Variants in LSMEM2 observed in about 807,000 individuals in gnomAD.
LSMEM2 encodes the protein leucine rich single-pass membrane protein 2.
Under a neutral mutation model 17.3 loss-of-function variants are expected in LSMEM2, and 20 were observed. That is an observed-to-expected ratio of 1.16 (90% confidence interval 0.81 to 1.68). The LOEUF (loss-of-function observed/expected upper bound fraction) is 1.68. Among genes scored for constraint, LSMEM2 ranks in the 40% most tolerant of loss-of-function variants. The pLI, the probability that LSMEM2 is intolerant of heterozygous loss-of-function variation, is 0.00. For missense variants in LSMEM2, 207 were observed against 214.3 expected (o/e 0.97, Z 0.21); for synonymous variants, 94 against 97.8 (o/e 0.96, Z 0.23).
At chr3:50,279,030 T>G, upstream of LSMEM2, 3 of 1,452,762 alleles carry the variant, frequency 2.1e-6, no homozygotes, top group Non-Finnish European at 2.9e-6. Context: ...CTCAGGCCTA[T>G]TTTAGGCCAA....
rs1447787514 is a variant in LSMEM2 at position 50,286,346 on chromosome 3, A to G, written c.59-125A>G. The G allele has an allele frequency of 4.4e-6, 6 of 1,372,740 alleles. No homozygotes were observed. In the African/African-American group the frequency reaches 4.4e-5, roughly 10 times the overall value. 85.0% of individuals were successfully genotyped at this position (1,372,740 alleles called of 1,614,324 possible). ...CAAGGGTAATTCCTGAGTCAGTTTT[A>G]GGGGATTTGGAACCAAATGTCCCAC... On this transcript the variant is annotated intron_variant, in intron 1 of 3. Transcript: ENST00000316436.
At chr3:50,285,839 T>G (rs1701506479) in intron 1 of LSMEM2, among the ~76,000 whole-genome samples, 1 of 150,786 alleles carries the variant, frequency 6.6e-6, no homozygotes, top group Non-Finnish European at 1.5e-5. Context: ...CGAAACTCCG[T>G]CTCAAAAAAA....
Position 50,286,539 on chromosome 3 carries a change from G to T in LSMEM2, c.127G>T (p.Val43Leu), listed in dbSNP as rs1190177235. The T allele has an allele frequency of 6.8e-6, 11 of 1,612,352 alleles. No homozygotes were observed. The highest frequency in any genetic ancestry group is 3.3e-5 in the Admixed American group (2 of 59,742). The change falls in exon 2 of 4, where the codon GTA (valine) becomes TTA (leucine). Residue 43 changes from valine (V) to leucine (L), a missense_variant. Physicochemically the swap from Val to Leu is conservative, Grantham distance 32. Transcript: ENST00000316436. ...GPLAPNHVHE[V>L]CLHQVESISD... is the part of the protein sequence containing the mutation. ...ATTGGCCCCCAACCACGTGCATGAG[G>T]TATGCCTGCACCAGGTGGAGTCCAT...
chr3:50,285,830 G>A (rs998983492), intron 1 of LSMEM2, among the ~76,000 whole-genome samples: 4 of 151,932 alleles, frequency 2.6e-5, no homozygotes, highest in African/African-American at 4.8e-5. Flanking sequence ...CAACAAGAGC[G>A]AAACTCCGTC....
chr3:50,286,603 GTGGA>G lies in LSMEM2; in HGVS notation c.172+22_172+25del, dbSNP rs1701542737. 1.9e-6 allele frequency: 3 copies of G among 1,611,470 alleles called. No individual in the cohort carries two copies. Among genetic ancestry groups the G allele is most frequent in the South Asian group, 2.2e-5 (2 of 90,720 alleles). ...AGTGGAGGTGAGTGGGGACAGTGGG[GTGGA>G]TGATGTGCTGGGGGAGGGGACGAAA... On this transcript the variant is annotated intron_variant, in intron 2 of 3. Transcript: ENST00000316436.
intron 1 of LSMEM2, among the ~76,000 whole-genome samples, chr3:50,283,203 A>C (rs1333378283): frequency 6.6e-6 from 1 of 151,286 alleles, no homozygotes; most frequent in Non-Finnish European, 1.5e-5. Flanking sequence ...CAAACAAACG[A>C]AACACCGGCT....
chr3:50,282,163 T>C (rs1278446130), intron 1 of LSMEM2, among the ~76,000 whole-genome samples: 1 of 152,050 alleles, frequency 6.6e-6, no homozygotes, highest in Non-Finnish European at 1.5e-5. Flanking sequence ...TAATCTTTGA[T>C]TTTTTTGTAG....
chr3:50,287,041 CTG>C, intron 3 of LSMEM2, 26 bp from the exon 4 acceptor site: 1 of 1,612,852 alleles, frequency 6.2e-7, no homozygotes, highest in African/African-American at 1.3e-5. Context: ...GGCACATGGT[CTG>C]ATGATCCCCC....
rs1553708857 is a variant in LSMEM2 at position 50,288,039 on chromosome 3, CG to C, written c.*840del. 1 of 693,172 alleles carries C rather than the reference CG, an allele frequency of 1.4e-6. No individual in the cohort carries two copies. Among genetic ancestry groups the C allele is most frequent in the East Asian group, 2.7e-5 (1 of 36,448 alleles). The allele number at this position is 693,172 out of a possible 1,614,324, so 42.9% of individuals were successfully genotyped here. A position where few individuals can be genotyped will look rare whatever the true frequency, so the allele number is the denominator to read the frequency against. On this transcript the variant is annotated 3_prime_UTR_variant, in exon 4 of 4. Coordinates refer to ENST00000316436, the MANE Select transcript of LSMEM2 (RefSeq NM_153215.3). Reference sequence around the variant, plus strand: ...CAAAGGGGTCAGGGTCCCAAGTGTCCGGGCCCCCAGCTACCCACCCCATGTC... The same window carrying C: ...CAAAGGGGTCAGGGTCCCAAGTGTCCGGCCCCCAGCTACCCACCCCATGTC...
chr3:50,286,440 C>T, intron 1 of LSMEM2, 31 bp from the exon 2 acceptor site: 1 of 1,562,860 alleles, frequency 6.4e-7, no homozygotes, highest in Non-Finnish European at 8.7e-7. Context: ...TGACCCACCA[C>T]TGGCTAAATC....
intron 1 of LSMEM2, among the ~76,000 whole-genome samples, chr3:50,283,054 A>G (rs1701435104): frequency 6.6e-6 from 1 of 151,952 alleles, no homozygotes; most frequent in African/African-American, 2.4e-5. Flanking sequence ...GCGTGGTGGC[A>G]CGTGCCTGTA....
intron 1 of LSMEM2, among the ~76,000 whole-genome samples, chr3:50,283,968 G>T (rs1575484358): frequency 1.3e-5 from 2 of 152,202 alleles, no homozygotes; most frequent in South Asian, 2.1e-4. Flanking sequence ...CACTTTGGGA[G>T]GCCAAGGCGG....
At chr3:50,282,013 C>T (rs140367965) in intron 1 of LSMEM2, among the ~76,000 whole-genome samples, 8 of 152,090 alleles carry the variant, frequency 5.3e-5, no homozygotes, top group Admixed American at 2.0e-4. Flanking sequence ...TCACCATGCC[C>T]GGCTAATTTT....
At chr3:50,280,822 T>G (rs1701378013) in intron 1 of LSMEM2, among the ~76,000 whole-genome samples, 1 of 151,846 alleles carries the variant, frequency 6.6e-6, no homozygotes, top group African/African-American at 2.4e-5. Flanking sequence ...CTCGATCTTC[T>G]GACCTCGTGA....
intron 1 of LSMEM2, among the ~76,000 whole-genome samples, chr3:50,285,578 T>A (rs1701498568): frequency 6.6e-6 from 1 of 151,958 alleles, no homozygotes; most frequent in African/African-American, 2.4e-5. Context: ...AGGTGGAAGG[T>A]GCAGTGAGGC....
In LSMEM2 at chr3:50,280,092, C is replaced by T. The variant is rs587710382; in HGVS notation, c.58+921C>T. 2.0e-5 allele frequency among the ~76,000 whole-genome samples: 3 copies of T among 151,018 alleles called. No individual in the cohort carries two copies. In the South Asian group the frequency reaches 6.3e-4, roughly 32 times the overall value. Reference sequence around the variant, plus strand: ...GGTTCACCATCTTGGCCAGGCTGGTCTTGAACTCCTGACCTCGTAAGCCAC... The same window carrying T: ...GGTTCACCATCTTGGCCAGGCTGGTTTTGAACTCCTGACCTCGTAAGCCAC... On this transcript the variant is annotated intron_variant, in intron 1 of 3. Transcript: ENST00000316436.
At chr3:50,278,838 C>T (rs587620124), upstream of LSMEM2, among the ~76,000 whole-genome samples, 1 of 152,258 alleles carries the variant, frequency 6.6e-6, no homozygotes. Context: ...CTGGAGTGGC[C>T]ATTCTGGATG....
upstream of LSMEM2, among the ~76,000 whole-genome samples, chr3:50,278,455 G>A (rs1347460732): frequency 6.6e-6 from 1 of 152,188 alleles, no homozygotes; most frequent in Non-Finnish European, 1.5e-5. Flanking sequence ...CTGTTATTCC[G>A]ACTTTACACA....
chr3:50,287,007 C>T, intron 3 of LSMEM2, 62 bp from the exon 4 acceptor site: 1 of 1,603,592 alleles, frequency 6.2e-7, no homozygotes, highest in Middle Eastern at 1.7e-4. Flanking sequence ...TGGTCCTGGG[C>T]TGGGTCTGCA....
Sources: allele counts gnomAD v4.1 joint callset (sites outside exome capture counted in the v4.1 genomes callset), GRCh38; gene constraint gnomAD v4.1.1; transcripts MANE v1.5; gene names NCBI Gene and HGNC (gene_info 2026-07-23, HGNC 2026-07-21).